PDGFC: variants seen among roughly 807,000 people sequenced by gnomAD.
The protein encoded by PDGFC is platelet derived growth factor C.
A neutral mutation model predicts 35.5 loss-of-function variants in PDGFC; 12 were observed. That is an observed-to-expected ratio of 0.34 (90% CI 0.22 to 0.55). The LOEUF (loss-of-function observed/expected upper bound fraction) is 0.55, where lower values mean the gene tolerates loss of function less well. Ranked by LOEUF, PDGFC falls within the 20% of genes least tolerant of loss-of-function variation. The probability of loss-of-function intolerance (pLI) is 0.91; values close to 1 mark genes in which losing one functional copy is unlikely to be tolerated. For synonymous variants in PDGFC, 159 were observed against 148.8 expected (o/e 1.07, Z -0.50); for missense variants, 322 against 412.4 (o/e 0.78, Z 1.90).
chr4:156,912,207 C>G (rs897223111), intron 1 of PDGFC, among the ~76,000 whole-genome samples: 1 of 152,038 alleles, frequency 6.6e-6, no homozygotes, highest in South Asian at 2.1e-4. Flanking sequence ...CAAGGGAAAC[C>G]TTAAAAAATA....
chr4:156,899,001 T>C (rs1207593832), intron 1 of PDGFC, among the ~76,000 whole-genome samples: 1 of 152,332 alleles, frequency 6.6e-6, no homozygotes, highest in Admixed American at 6.5e-5. Flanking sequence ...CTTAAGGAAC[T>C]TTTCTTTTTC....
At chr4:156,891,122 C>A (rs1392197659) in intron 1 of PDGFC, among the ~76,000 whole-genome samples, 2 of 151,616 alleles carry the variant, frequency 1.3e-5, no homozygotes, top group African/African-American at 2.4e-5. Context: ...AAACTAAATA[C>A]TGTAGGCAAC....
intron 2 of PDGFC, among the ~76,000 whole-genome samples, chr4:156,843,623 AT>A (rs1729256859): frequency 6.6e-6 from 1 of 152,102 alleles, no homozygotes; most frequent in South Asian, 2.1e-4. Context: ...GAGGTACTGA[AT>A]TTTTTGTTTG....
At chr4:156,818,454 C>A (rs1313022670) in intron 2 of PDGFC, among the ~76,000 whole-genome samples, 1 of 151,222 alleles carries the variant, frequency 6.6e-6, no homozygotes, top group African/African-American at 2.4e-5. Context: ...TTTTCTTTTG[C>A]AGTCACAACT....
chr4:156,765,419 T>C (rs1730497258), intron 5 of PDGFC, among the ~76,000 whole-genome samples: 1 of 152,044 alleles, frequency 6.6e-6, no homozygotes, highest in Non-Finnish European at 1.5e-5. Context: ...TGGAAGATAG[T>C]AGATAAGACA....
chr4:156,783,989 T>A (rs561123584), intron 3 of PDGFC, among the ~76,000 whole-genome samples: 1 of 152,154 alleles, frequency 6.6e-6, no homozygotes, highest in South Asian at 2.1e-4. Flanking sequence ...GACATAACTA[T>A]GTAATACAGG....
intron 1 of PDGFC, among the ~76,000 whole-genome samples, chr4:156,934,932 T>G (rs4382082): frequency 0.27 from 41,158 of 151,866 alleles, 6,122 homozygotes; most frequent in Admixed American, 0.37. Flanking sequence ...TAATAATGCC[T>G]TCTTCTGGAA....
chr4:156,856,728 A>G (rs1191372515), intron 1 of PDGFC, among the ~76,000 whole-genome samples: 1 of 152,112 alleles, frequency 6.6e-6, no homozygotes, highest in Admixed American at 6.6e-5. Flanking sequence ...CACTTCAACA[A>G]TTCATCCTTC....
chr4:156,808,523 C>T (rs1220250301), intron 3 of PDGFC, among the ~76,000 whole-genome samples: 3 of 151,770 alleles, frequency 2.0e-5, no homozygotes, highest in Admixed American at 2.0e-4. Context: ...GGACCCTTGC[C>T]CCTGAGCAAA....
intron 2 of PDGFC, among the ~76,000 whole-genome samples, chr4:156,840,678 C>T (rs1388065477): frequency 6.6e-6 from 1 of 152,162 alleles, no homozygotes; most frequent in East Asian, 1.9e-4. Context: ...GGAAAAGCCA[C>T]AGAAACTCAA....
chr4:156,852,877 G>C (rs73856760), intron 1 of PDGFC, among the ~76,000 whole-genome samples: 2,455 of 152,280 alleles, frequency 0.016, 58 homozygotes, highest in African/African-American at 0.055. Flanking sequence ...AAGGATGACA[G>C]CCAGCAAGGA....
At chr4:156,763,336 G>A in intron 5 of PDGFC, 130 bp from the exon 6 acceptor site, 1 of 378,220 alleles carries the variant, frequency 2.6e-6, no homozygotes, top group Non-Finnish European at 4.8e-6. Flanking sequence ...TTTTCCTAGA[G>A]CACGCATTAT....
intron 1 of PDGFC, among the ~76,000 whole-genome samples, chr4:156,922,814 AAAG>A (rs1731318176): frequency 1.3e-5 from 2 of 152,288 alleles, no homozygotes; most frequent in Admixed American, 1.3e-4. Context: ...TTGGGTCAAA[AAAG>A]AAGAAAAACA....
intron 1 of PDGFC, among the ~76,000 whole-genome samples, chr4:156,881,360 T>C (rs1226978803): frequency 1.3e-5 from 2 of 152,160 alleles, no homozygotes; most frequent in Non-Finnish European, 2.9e-5. Context: ...GTGGTACAAA[T>C]GTAATTTTTA....
intron 2 of PDGFC, among the ~76,000 whole-genome samples, chr4:156,839,542 G>A (rs1729148160): frequency 6.6e-6 from 1 of 152,134 alleles, no homozygotes; most frequent in South Asian, 2.1e-4. Flanking sequence ...CGTGAGAATG[G>A]ACTAATACAG....
chr4:156,904,384 AC>A (rs1730864787), intron 1 of PDGFC, among the ~76,000 whole-genome samples: 1 of 152,216 alleles, frequency 6.6e-6, no homozygotes, highest in African/African-American at 2.4e-5. Context: ...GGCTAATTAT[AC>A]CTAAATACAC....
intron 2 of PDGFC, chr4:156,835,775 A>T (rs1222706880): frequency 6.6e-6 from 1 of 152,202 alleles, no homozygotes; most frequent in Non-Finnish European, 1.5e-5. Context: ...AGTCAGTTTA[A>T]CTCCCTCATG....
chr4:156,764,190 A>C (rs954328367), intron 5 of PDGFC, among the ~76,000 whole-genome samples: 6 of 152,208 alleles, frequency 3.9e-5, no homozygotes, highest in African/African-American at 1.4e-4. Flanking sequence ...AAAAGCTACC[A>C]GTCCTAAAAA....
intron 1 of PDGFC, among the ~76,000 whole-genome samples, chr4:156,945,404 A>C (rs1160798473): frequency 7.3e-6 from 1 of 136,818 alleles, no homozygotes; most frequent in Admixed American, 7.7e-5. Context: ...CAGTAGGGAA[A>C]ATTCACAACA....
Sources: allele counts gnomAD v4.1 joint callset (sites outside exome capture counted in the v4.1 genomes callset), GRCh38; gene constraint gnomAD v4.1.1; transcripts MANE v1.5; gene names NCBI Gene and HGNC (gene_info 2026-07-23, HGNC 2026-07-21).